Variants in NTM observed in about 807,000 individuals in gnomAD.
The protein encoded by NTM is IgLON family member 2.
Under a neutral mutation model 42.1 loss-of-function variants are expected in NTM, and 13 were observed. That is an observed-to-expected ratio of 0.31 (90% CI 0.20 to 0.49). The LOEUF is 0.49. NTM is among the 20% of genes least tolerant of loss of function. The probability of loss-of-function intolerance (pLI) is 0.99; values close to 1 mark genes in which losing one functional copy is unlikely to be tolerated. For synonymous variants in NTM, 187 were observed against 179.2 expected, an observed-to-expected ratio of 1.04 and a Z score of -0.35; for missense variants, 373 against 452.8, an observed-to-expected ratio of 0.82 and a Z score of 1.60.
intron 2 of NTM, among the ~76,000 whole-genome samples, chr11:132,048,126 T>C (rs1254916862): frequency 1.3e-5 from 2 of 152,144 alleles, no homozygotes; most frequent in African/African-American, 2.4e-5. Flanking sequence ...ATGTGTCTTT[T>C]GGATGAGCTC....
At chr11:132,066,471 C>T (rs2056509340) in intron 2 of NTM, among the ~76,000 whole-genome samples, 1 of 152,184 alleles carries the variant, frequency 6.6e-6, no homozygotes. Flanking sequence ...CCCATGCTTG[C>T]TGTAACAAAT....
chr11:131,480,993 GGGGTAGAA>G (rs1953519868), intron 1 of NTM, among the ~76,000 whole-genome samples: 1 of 152,164 alleles, frequency 6.6e-6, no homozygotes, highest in Non-Finnish European at 1.5e-5. Flanking sequence ...TGGGCACAGT[GGGGTAGAA>G]GTAGGGAGGG....
chr11:131,462,400 A>G (rs1040862222), intron 1 of NTM, among the ~76,000 whole-genome samples: 1 of 152,362 alleles, frequency 6.6e-6, no homozygotes, highest in East Asian at 1.9e-4. Context: ...TCAATCATAC[A>G]TCCGTTTTAA....
At chr11:131,971,675 A>G (rs3345) in intron 2 of NTM, among the ~76,000 whole-genome samples, 65,673 of 151,494 alleles carry the variant, frequency 0.43, 14,966 homozygotes, top group East Asian at 0.77. Flanking sequence ...TCTTCTATCT[A>G]TATGTAAAAC....
intron 1 of NTM, among the ~76,000 whole-genome samples, chr11:131,741,433 C>T (rs148548311): frequency 9.9e-5 from 15 of 152,282 alleles, no homozygotes; most frequent in Middle Eastern, 3.4e-3. Flanking sequence ...CATAGACATG[C>T]GCTCTGTTTT....
At chr11:131,631,416 C>A (rs1409603390) in intron 1 of NTM, among the ~76,000 whole-genome samples, 1 of 152,066 alleles carries the variant, frequency 6.6e-6, no homozygotes, top group African/African-American at 2.4e-5. Context: ...ATTATCAAAG[C>A]AAGGTAGATT....
chr11:132,066,559 T>C (rs1015749644), intron 2 of NTM, among the ~76,000 whole-genome samples: 1 of 152,154 alleles, frequency 6.6e-6, no homozygotes, highest in African/African-American at 2.4e-5. Context: ...CAAACTCAAC[T>C]TCACTGGCCC....
At position 132,314,610 on chromosome 11, in the gene NTM, A is replaced by T. The variant is rs530539259; in HGVS notation, c.841A>T (p.Ile281Phe). The change falls in exon 7 of 9, where the codon ATC (isoleucine) becomes TTC (phenylalanine). Residue 281 changes from isoleucine (I) to phenylalanine (F), a missense_variant. Transcript: ENST00000683400. ...AAACAGACCTTTCCTCTCAAAACTC[A>T]TCTTCTTCAATGTCTCTGAACATGA... ...VENRPFLSKL[I>F]FFNVSEHDYG... 1 of 1,613,356 alleles carries T rather than the reference A, an allele frequency of 6.2e-7. No individual in the cohort carries two copies. Among genetic ancestry groups the T allele is most frequent in the Admixed American group, 1.7e-5 (1 of 60,006 alleles).
chr11:131,691,515 G>A (rs2074712264), intron 1 of NTM, among the ~76,000 whole-genome samples: 1 of 151,854 alleles, frequency 6.6e-6, no homozygotes, highest in Admixed American at 6.5e-5. Context: ...CCCCGCCAAG[G>A]CGATGTCGTC....
chr11:131,653,064 T>G (rs2066712724), intron 1 of NTM, among the ~76,000 whole-genome samples: 2 of 152,172 alleles, frequency 1.3e-5, no homozygotes, highest in Admixed American at 1.3e-4. Context: ...TGCTGCAATT[T>G]CTCCCAGGGA....
intron 1 of NTM, among the ~76,000 whole-genome samples, chr11:131,714,288 A>G (rs1333624021): frequency 1.3e-5 from 2 of 152,114 alleles, no homozygotes; most frequent in Non-Finnish European, 2.9e-5. Flanking sequence ...TCCAGGGTTC[A>G]AGCGATTCTC....
At chr11:132,131,077 A>T (rs2066734239) in intron 2 of NTM, among the ~76,000 whole-genome samples, 1 of 152,248 alleles carries the variant, frequency 6.6e-6, no homozygotes, top group Non-Finnish European at 1.5e-5. Context: ...AATTAACAAA[A>T]ACATTGTCAT....
chr11:131,484,149 A>G (rs1332687757), intron 1 of NTM, among the ~76,000 whole-genome samples: 2 of 152,200 alleles, frequency 1.3e-5, no homozygotes. Flanking sequence ...AAAAGAAAGC[A>G]GTGATTACAG....
chr11:131,792,898 C>T (rs2091126722), intron 1 of NTM, among the ~76,000 whole-genome samples: 1 of 152,162 alleles, frequency 6.6e-6, no homozygotes, highest in South Asian at 2.1e-4. Flanking sequence ...GTCATATTCA[C>T]ATTAGTTAAG....
At chr11:132,063,492 G>C (rs903665244) in intron 2 of NTM, among the ~76,000 whole-genome samples, 1 of 152,150 alleles carries the variant, frequency 6.6e-6, no homozygotes, top group Non-Finnish European at 1.5e-5. Flanking sequence ...ATATAGATAA[G>C]GAATAATCAA....
intron 1 of NTM, among the ~76,000 whole-genome samples, chr11:131,791,062 G>A (rs1255567468): frequency 1.3e-5 from 2 of 152,156 alleles, no homozygotes; most frequent in African/African-American, 4.8e-5. Flanking sequence ...AGTTCAAAGT[G>A]GTTTAGTGCG....
intron 4 of NTM, among the ~76,000 whole-genome samples, chr11:132,213,772 T>C (rs2083312242): frequency 1.8e-5 from 1 of 56,550 alleles, no homozygotes; most frequent in Non-Finnish European, 4.6e-5. Context: ...TCTCGCTCTG[T>C]CGCCCAGGCT....
chr11:132,038,414 T>C (rs1566000789), intron 2 of NTM, among the ~76,000 whole-genome samples: 1 of 152,168 alleles, frequency 6.6e-6, no homozygotes, highest in African/African-American at 2.4e-5. Flanking sequence ...TTGCAATTGT[T>C]AGTGCCCGGA....
intron 1 of NTM, among the ~76,000 whole-genome samples, chr11:131,612,409 A>T (rs1466962001): frequency 6.6e-6 from 1 of 152,248 alleles, no homozygotes; most frequent in African/African-American, 2.4e-5. Flanking sequence ...AATGTACTAG[A>T]ACTGTGGAGA....
Sources: allele counts gnomAD v4.1 joint callset (sites outside exome capture counted in the v4.1 genomes callset), GRCh38; gene constraint gnomAD v4.1.1; transcripts MANE v1.5; gene names NCBI Gene and HGNC (gene_info 2026-07-23, HGNC 2026-07-21).